The following SLC22A24 variants were observed in gnomAD, a reference collection of about 807,000 sequenced individuals.
The protein encoded by SLC22A24 is solute carrier family 22 member 24, also known as steroid transmembrane transporter SLC22A24.
SLC22A24 carries 53 observed loss-of-function variants against 49.8 expected under a neutral mutation model. The observed-to-expected ratio is 1.06, with a 90% confidence interval of 0.85 to 1.34. The LOEUF (loss-of-function observed/expected upper bound fraction) is 1.34, where lower values mean the gene tolerates loss of function less well. Among genes scored for constraint, SLC22A24 ranks in the 40% most tolerant of loss-of-function variants. The pLI is 0.00. For synonymous variants in SLC22A24, 302 were observed against 256.4 expected (o/e 1.18, Z -1.70); for missense variants, 786 against 675.9 (o/e 1.16, Z -1.81).
At chr11:63,085,253 G>T (rs1319906993) in intron 6 of SLC22A24, among the ~76,000 whole-genome samples, 2 of 152,084 alleles carry the variant, frequency 1.3e-5, no homozygotes, top group African/African-American at 4.8e-5. Flanking sequence ...AAATACCAAT[G>T]TAGCAACGTA....
chr11:63,118,940 G>A lies in SLC22A24; in HGVS notation c.802C>T (p.Pro268Ser), dbSNP rs944347500. The change falls in exon 4 of 10, where the codon CCC (proline) becomes TCC (serine). Residue 268 changes from proline (P) to serine (S), a missense_variant. By Grantham distance (74) the Pro-to-Ser change is moderately conservative. Transcript: ENST00000612278. ...GAGGACAAGAAGAGGACAATTATGG[G>A]TGTAGACACAGTCAGTTGCAATATG... ...WHILQLTVST[P>S]IIVLFLSSWK... 3.2e-6 allele frequency: 5 copies of A among 1,551,934 alleles called. No individual in the cohort carries two copies. In the African/African-American group the frequency reaches 4.1e-5, roughly 13 times the overall value.
intron 4 of SLC22A24, among the ~76,000 whole-genome samples, chr11:63,105,620 T>A (rs1471625848): frequency 6.6e-6 from 1 of 152,152 alleles, no homozygotes; most frequent in Non-Finnish European, 1.5e-5. Context: ...TGGCTAGGAC[T>A]CAGGACACCT....
chr11:63,095,074 G>A (rs1320947130), intron 6 of SLC22A24, among the ~76,000 whole-genome samples: 1 of 152,150 alleles, frequency 6.6e-6, no homozygotes, highest in African/African-American at 2.4e-5. Context: ...TGTCCTGAAT[G>A]GTAATGCCTA....
chr11:63,111,390 T>G (rs566224072), intron 4 of SLC22A24, among the ~76,000 whole-genome samples: 14 of 151,814 alleles, frequency 9.2e-5, no homozygotes, highest in Non-Finnish European at 1.8e-4. Context: ...GATTCCTTCT[T>G]TTTCTATTGA....
Position 63,143,738 on chromosome 11 carries a change from C to T in SLC22A24, c.42G>A (p.Gly14=), listed in dbSNP as rs1477521127. ...DVLLDQVGGM[G]RFQICLIAFF... ...AAGCTATCAGACAAATCTGGAATCT[C>T]CCCATGCCACCCACTTGATCCAGGA... The change falls in exon 1 of 10, where the codon GGG becomes GGA. Residue 14 remains glycine, a synonymous_variant. Transcript: ENST00000612278. 2 of 1,482,070 alleles carry T rather than the reference C, an allele frequency of 1.3e-6. No individual in the cohort carries two copies. The highest frequency in any genetic ancestry group is 2.4e-5 in the Admixed American group (1 of 42,294). The allele number at this position is 1,482,070 out of a possible 1,614,324, so 91.8% of individuals were successfully genotyped here.
intron 6 of SLC22A24, among the ~76,000 whole-genome samples, chr11:63,088,300 TCAAA>T (rs1460334431): frequency 1.3e-5 from 2 of 151,968 alleles, no homozygotes; most frequent in African/African-American, 2.4e-5. Flanking sequence ...GGAGTGGACC[TCAAA>T]CAAACTGCAG....
intron 1 of SLC22A24, among the ~76,000 whole-genome samples, chr11:63,136,353 C>T (rs527412338): frequency 2.6e-4 from 39 of 152,270 alleles, no homozygotes; most frequent in African/African-American, 8.9e-4. Flanking sequence ...CTCAGCACTT[C>T]GATGAGATGC....
intron 5 of SLC22A24, among the ~76,000 whole-genome samples, chr11:63,096,869 C>T (rs556860140): frequency 2.1e-4 from 32 of 152,254 alleles, no homozygotes; most frequent in Admixed American, 1.4e-3. Flanking sequence ...TATTACTTAT[C>T]TCAGGTGCTT....
intron 2 of SLC22A24, among the ~76,000 whole-genome samples, chr11:63,127,435 A>G (rs1436132055): frequency 6.6e-6 from 1 of 152,194 alleles, no homozygotes; most frequent in African/African-American, 2.4e-5. Context: ...GCCACAATAA[A>G]CATACGTGTG....
chr11:63,090,305 G>C (rs2087012430), intron 6 of SLC22A24, among the ~76,000 whole-genome samples: 1 of 151,900 alleles, frequency 6.6e-6, no homozygotes, highest in Non-Finnish European at 1.5e-5. Flanking sequence ...AGAGCAACAA[G>C]ACAGAGAATT....
At chr11:63,082,574 A>T (rs1251265912) in intron 7 of SLC22A24, among the ~76,000 whole-genome samples, 1 of 152,226 alleles carries the variant, frequency 6.6e-6, no homozygotes, top group Admixed American at 6.5e-5. Context: ...GTGGATTTTA[A>T]GAGAGGCTGG....
intron 9 of SLC22A24, 147 bp from the exon 10 acceptor site, chr11:63,080,147 T>A: frequency 1.7e-6 from 1 of 575,078 alleles, no homozygotes; most frequent in Non-Finnish European, 3.0e-6. Context: ...ATATTGATAC[T>A]ATTGTGTTGG....
At position 63,095,989 on chromosome 11, in the gene SLC22A24, A is replaced by G. The variant is rs769074675; in HGVS notation, c.1070+2T>C. The G allele has an allele frequency of 6.5e-7, 1 of 1,543,608 alleles. No individual in the cohort carries two copies. The highest frequency in any genetic ancestry group is 8.8e-7 in the Non-Finnish European group (1 of 1,140,212). ...AGTGAATCATCACCAAATGGAACTTACCTCACAAAGCACAGGCCGAAGACT... is the reference window on the plus strand; with the variant it reads ...AGTGAATCATCACCAAATGGAACTTGCCTCACAAAGCACAGGCCGAAGACT... On this transcript the variant is annotated splice_donor_variant, in intron 6 of 9. Transcript: ENST00000612278. LOFTEE classifies it high-confidence loss of function.
intron 4 of SLC22A24, among the ~76,000 whole-genome samples, chr11:63,110,051 C>T (rs1565330416): frequency 6.6e-6 from 1 of 152,084 alleles, no homozygotes; most frequent in Non-Finnish European, 1.5e-5. Flanking sequence ...GATCCAGTTT[C>T]AGCTTTCTAC....
Position 63,083,400 on chromosome 11 carries a change from G to C in SLC22A24, c.1128C>G (p.Ser376Arg). ...GLILNLQHLG[S>R]NVSLFQILCG... ...AGAGAATCTGGAACAGGGAGACATTGCTCCCTAAGTGCTGCAAGTTGAGTA... is the reference window on the plus strand; with the variant it reads ...AGAGAATCTGGAACAGGGAGACATTCCTCCCTAAGTGCTGCAAGTTGAGTA... Residue 376 changes from serine (S) to arginine (R), a missense_variant, in exon 7 of 10, where the codon AGC (serine) becomes AGG (arginine). Ser to Arg is a moderately radical substitution (Grantham distance 110). Coordinates refer to ENST00000612278, the MANE Select transcript of SLC22A24 (RefSeq NM_001136506.2). 1 of 1,551,446 alleles carries C rather than the reference G, an allele frequency of 6.4e-7. No individual in the cohort carries two copies. The highest frequency in any genetic ancestry group is 8.7e-7 in the Non-Finnish European group (1 of 1,146,780).
chr11:63,089,692 G>C (rs1430645404), intron 6 of SLC22A24, among the ~76,000 whole-genome samples: 1 of 152,124 alleles, frequency 6.6e-6, no homozygotes, highest in Non-Finnish European at 1.5e-5. Flanking sequence ...TAAAGGGATG[G>C]AGGAAGATTT....
intron 1 of SLC22A24, among the ~76,000 whole-genome samples, chr11:63,139,391 A>G (rs2087398616): frequency 6.6e-6 from 1 of 152,140 alleles, no homozygotes; most frequent in Non-Finnish European, 1.5e-5. Flanking sequence ...GACAGTTTTG[A>G]GTTTTAGGGG....
chr11:63,120,845 C>T (rs965206595), intron 2 of SLC22A24, among the ~76,000 whole-genome samples: 1 of 151,702 alleles, frequency 6.6e-6, no homozygotes, highest in African/African-American at 2.4e-5. Context: ...TTGTATGAGG[C>T]AACTTAGAAT....
At chr11:63,127,635 C>T (rs1015535368) in intron 2 of SLC22A24, among the ~76,000 whole-genome samples, 10 of 152,198 alleles carry the variant, frequency 6.6e-5, no homozygotes, top group Admixed American at 5.9e-4. Flanking sequence ...TCCTCTCCAG[C>T]ACCTGTTGTT....
Sources: allele counts gnomAD v4.1 joint callset (sites outside exome capture counted in the v4.1 genomes callset), GRCh38; gene constraint gnomAD v4.1.1; transcripts MANE v1.5; gene names NCBI Gene and HGNC (gene_info 2026-07-23, HGNC 2026-07-21).